The following TBC1D1 variants were observed in gnomAD, a reference collection of about 807,000 sequenced individuals.
The protein encoded by TBC1D1 is TBC1 domain family member 1.
Under a neutral mutation model 125.6 loss-of-function variants are expected in TBC1D1, and 89 were observed. That is an observed-to-expected ratio of 0.71 (90% confidence interval 0.60 to 0.85). The LOEUF is 0.85. Among genes scored for constraint, TBC1D1 ranks in the 40% least tolerant of loss-of-function variants. TBC1D1 has a pLI of 0.00. For synonymous variants in TBC1D1, 565 were observed against 564.1 expected (o/e 1.00, Z -0.02); for missense variants, 1,377 against 1,469.2 (o/e 0.94, Z 1.03).
intron 2 of TBC1D1, among the ~76,000 whole-genome samples, chr4:37,927,135 A>G (rs1403256971): frequency 6.6e-6 from 1 of 152,156 alleles, no homozygotes; most frequent in African/African-American, 2.4e-5. Flanking sequence ...GAAAAGGAAA[A>G]AAAAAGAAAT....
chr4:38,038,504 A>C (rs914353233), intron 8 of TBC1D1, among the ~76,000 whole-genome samples: 1 of 152,180 alleles, frequency 6.6e-6, no homozygotes, highest in Admixed American at 6.5e-5. Flanking sequence ...TTTAGCATGT[A>C]TATCATTAAC....
intron 2 of TBC1D1, among the ~76,000 whole-genome samples, chr4:37,914,029 T>C (rs954076693): frequency 6.6e-6 from 1 of 152,186 alleles, no homozygotes; most frequent in African/African-American, 2.4e-5. Flanking sequence ...TTCAACTTTC[T>C]AGTAGTCTCT....
In TBC1D1 at chr4:37,945,284, C is replaced by T. The variant is rs183040437; in HGVS notation, c.417+42772C>T. 6.9e-3 allele frequency among the ~76,000 whole-genome samples: 1,042 copies of T among 151,752 alleles called. 26 individuals carry two copies. The highest frequency in any genetic ancestry group is 4.5e-3 in the Non-Finnish European group (306 of 67,910). ...ATCTCAGCACTTCGGGAGGCTGAGG[C>T]GGGCAGATCACCTGAGGTCAGGAGT... On this transcript the variant is annotated intron_variant, in intron 2 of 19. Transcript: ENST00000261439.
At chr4:37,960,136 C>CA (rs1231476584) in intron 2 of TBC1D1, among the ~76,000 whole-genome samples, 1 of 152,134 alleles carries the variant, frequency 6.6e-6, no homozygotes, top group African/African-American at 2.4e-5. Context: ...GACCATTTAA[C>CA]AATGTGTAAG....
intron 15 of TBC1D1, among the ~76,000 whole-genome samples, chr4:38,112,483 T>C (rs74463051): frequency 0.015 from 2,353 of 152,296 alleles, 62 homozygotes; most frequent in African/African-American, 0.054. Context: ...TTGAACACCA[T>C]TCATAGCAAC....
intron 2 of TBC1D1, among the ~76,000 whole-genome samples, chr4:38,006,130 A>G (rs948007195): frequency 2.0e-5 from 3 of 152,184 alleles, no homozygotes; most frequent in South Asian, 2.1e-4. Flanking sequence ...AATTTTTGAT[A>G]TGAGCTAAAA....
At chr4:38,046,488 A>T (rs895901414) in intron 10 of TBC1D1, among the ~76,000 whole-genome samples, 27 of 152,236 alleles carry the variant, frequency 1.8e-4, no homozygotes, top group African/African-American at 6.5e-4. Flanking sequence ...TTTTTTAAGA[A>T]AATTTTATTT....
intron 15 of TBC1D1, among the ~76,000 whole-genome samples, chr4:38,109,498 C>A (rs1158983562): frequency 6.6e-6 from 1 of 152,202 alleles, no homozygotes; most frequent in Non-Finnish European, 1.5e-5. Flanking sequence ...GCTCCTCTCA[C>A]CCCTCAGAGG....
intron 12 of TBC1D1, among the ~76,000 whole-genome samples, chr4:38,064,562 G>T (rs1753340821): frequency 6.6e-6 from 1 of 152,152 alleles, no homozygotes; most frequent in Non-Finnish European, 1.5e-5. Context: ...CTCCATCAGG[G>T]ACCCTGCAGC....
At chr4:38,069,587 CTT>C (rs1186273986) in intron 12 of TBC1D1, among the ~76,000 whole-genome samples, 1 of 152,152 alleles carries the variant, frequency 6.6e-6, no homozygotes, top group Non-Finnish European at 1.5e-5. Context: ...CTCTCGGTCT[CTT>C]TATTCTGCAC....
intron 2 of TBC1D1, among the ~76,000 whole-genome samples, chr4:37,937,193 C>T (rs934908919): frequency 2.0e-5 from 3 of 152,280 alleles, no homozygotes; most frequent in South Asian, 2.1e-4. Context: ...ATTATTCCTT[C>T]GAGACTGAGA....
intron 12 of TBC1D1, among the ~76,000 whole-genome samples, chr4:38,058,701 A>G (rs868013281): frequency 6.6e-5 from 10 of 152,346 alleles, no homozygotes; most frequent in Non-Finnish European, 7.4e-5. Flanking sequence ...ATGTTTATAC[A>G]GTTCCATCCA....
chr4:37,959,565 G>A (rs1397895660), intron 2 of TBC1D1, among the ~76,000 whole-genome samples: 8 of 152,190 alleles, frequency 5.3e-5, no homozygotes, highest in Non-Finnish European at 1.2e-4. Context: ...AGACTCAACT[G>A]TATATTTTTG....
chr4:38,130,081 A>G (rs1489969003), intron 18 of TBC1D1, among the ~76,000 whole-genome samples: 6 of 152,260 alleles, frequency 3.9e-5, no homozygotes, highest in Non-Finnish European at 7.3e-5. Flanking sequence ...TAGACTTGTC[A>G]CTTATAATAA....
At chr4:38,089,859 G>T in intron 12 of TBC1D1, 73 bp from the exon 15 acceptor site, 1 of 1,415,478 alleles carries the variant, frequency 7.1e-7, no homozygotes, top group Non-Finnish European at 9.5e-7. Flanking sequence ...AGAATTTGCT[G>T]ATTTGACACT....
Position 38,014,591 on chromosome 4 carries a change from A to G in TBC1D1, c.500A>G (p.Asp167Gly). Residue 167 changes from aspartate (D) to glycine (G), a missense_variant, in exon 3 of 20, where the codon GAC (aspartate) becomes GGC (glycine). Asp to Gly is a moderately conservative substitution (Grantham distance 94, BLOSUM62 -1). Transcript: ENST00000261439. The surrounding 1 kb of genome is among the most constrained non-coding windows in gnomAD (Gnocchi z 5.1). ...CTGCACTGCCCGTCCGAGTTCGACG[A>G]CACGTTTTCCAAGAAGTTCGAGGTG... The G allele has an allele frequency of 6.2e-7, 1 of 1,613,390 alleles. No homozygotes were observed.
Position 37,897,485 on chromosome 4 carries a change from G to A in TBC1D1, c.-93-4518G>A, listed in dbSNP as rs540525930. 3.3e-5 allele frequency among the ~76,000 whole-genome samples: 5 copies of A among 152,294 alleles called. No homozygotes were observed. In the East Asian group the frequency reaches 9.6e-4, roughly 29 times the overall value. ...GGTCTAATCTACTTTTTACAGAGAA[G>A]CTAAGAACATGCTACAGCTGGTTGA... On this transcript the variant is annotated intron_variant, in intron 1 of 19. Transcript: ENST00000261439.
At chr4:38,026,423 C>T (rs748534456) in intron 6 of TBC1D1, among the ~76,000 whole-genome samples, 1 of 152,224 alleles carries the variant, frequency 6.6e-6, no homozygotes, top group Non-Finnish European at 1.5e-5. Flanking sequence ...CTCTGGGCAT[C>T]AGCAAATCCA....
intron 18 of TBC1D1, among the ~76,000 whole-genome samples, chr4:38,130,581 A>G (rs572958588): frequency 1.2e-4 from 19 of 152,242 alleles, no homozygotes; most frequent in African/African-American, 4.6e-4. Flanking sequence ...TTGCTCTGAG[A>G]TGGGCCAGCA....
Sources: gnomAD v4.1 joint callset for allele counts (sites outside exome capture counted in the v4.1 genomes callset) on GRCh38, gnomAD v4.1.1 for gene constraint, Gnocchi (gnomAD v3.1) non-coding constraint, MANE v1.5 for transcripts, NCBI Gene and HGNC (gene_info 2026-07-23, HGNC 2026-07-21) for gene names.